Variants in ZNF407 observed in about 807,000 individuals in gnomAD.
ZNF407 encodes the protein zinc finger protein 407.
ZNF407 carries 17 observed loss-of-function variants against 131.2 expected under a neutral mutation model. The observed-to-expected ratio is 0.13, with a 90% CI of 0.09 to 0.19. The LOEUF (loss-of-function observed/expected upper bound fraction) is 0.19. Ranked by LOEUF, ZNF407 falls within the 10% of genes least tolerant of loss-of-function variation. The pLI is 1.00. For synonymous variants in ZNF407, 1,156 were observed against 1,062.0 expected, an observed-to-expected ratio of 1.09 and a Z score of -1.72; for missense variants, 2,681 against 2,830.6, an observed-to-expected ratio of 0.95 and a Z score of 1.20.
intron 6 of ZNF407, among the ~76,000 whole-genome samples, chr18:74,889,005 CTG>C (rs766478564): frequency 1.3e-5 from 2 of 152,224 alleles, no homozygotes; most frequent in Admixed American, 6.5e-5. Flanking sequence ...GGTTATAACA[CTG>C]TGTTTTTACT....
At chr18:74,967,501 C>G (rs1370045350) in intron 8 of ZNF407, among the ~76,000 whole-genome samples, 1 of 152,106 alleles carries the variant, frequency 6.6e-6, no homozygotes, top group African/African-American at 2.4e-5. Flanking sequence ...AAACGTGGGT[C>G]TTTTTTCTTT....
At chr18:74,786,645 A>G (rs1045400308) in intron 4 of ZNF407, among the ~76,000 whole-genome samples, 3 of 151,796 alleles carry the variant, frequency 2.0e-5, no homozygotes, top group Non-Finnish European at 2.9e-5. Context: ...GAAGGGGGTT[A>G]TATTTCGATG....
intron 8 of ZNF407, among the ~76,000 whole-genome samples, chr18:74,930,969 G>A (rs905364619): frequency 6.6e-6 from 1 of 152,128 alleles, no homozygotes; most frequent in Non-Finnish European, 1.5e-5. Context: ...CTAGGCCTTC[G>A]CAGCAGATAA....
At chr18:74,857,236 A>G (rs1344267504) in intron 4 of ZNF407, among the ~76,000 whole-genome samples, 2 of 152,234 alleles carry the variant, frequency 1.3e-5, no homozygotes, top group African/African-American at 2.4e-5. Context: ...GACGTGTTTC[A>G]GATGGCTAAC....
At chr18:74,944,782 G>T (rs998405118) in intron 8 of ZNF407, among the ~76,000 whole-genome samples, 99 of 152,198 alleles carry the variant, frequency 6.5e-4, no homozygotes, top group African/African-American at 2.2e-3. Flanking sequence ...TAGCAGAGAA[G>T]GGGGGAAGCC....
At chr18:74,840,820 T>A (rs143191402) in intron 4 of ZNF407, among the ~76,000 whole-genome samples, 1 of 152,360 alleles carries the variant, frequency 6.6e-6, no homozygotes, top group East Asian at 1.9e-4. Flanking sequence ...TTTTATAGCT[T>A]CTCATCACTA....
At chr18:74,641,698 C>G (rs1194098969) in intron 3 of ZNF407, among the ~76,000 whole-genome samples, 1 of 152,116 alleles carries the variant, frequency 6.6e-6, no homozygotes, top group Non-Finnish European at 1.5e-5. Context: ...GAATCATGTA[C>G]AGTGTTTAAC....
chr18:74,643,895 C>G (rs1449727639), intron 3 of ZNF407, among the ~76,000 whole-genome samples: 1 of 151,912 alleles, frequency 6.6e-6, no homozygotes, highest in African/African-American at 2.4e-5. Context: ...TTTTAAGATA[C>G]CATTACCCCC....
At chr18:74,671,089 C>T (rs1381388307) in intron 3 of ZNF407, among the ~76,000 whole-genome samples, 1 of 152,176 alleles carries the variant, frequency 6.6e-6, no homozygotes, top group Non-Finnish European at 1.5e-5. Flanking sequence ...ACCCGATAAG[C>T]CCTGAGTGCC....
chr18:74,916,386 T>C (rs1281138911), intron 7 of ZNF407, among the ~76,000 whole-genome samples: 1 of 122,208 alleles, frequency 8.2e-6, no homozygotes, highest in Non-Finnish European at 1.6e-5. Flanking sequence ...ATGGTGAGGT[T>C]GTGTGCAGTA....
chr18:74,776,060 A>G (rs370078787), intron 3 of ZNF407, among the ~76,000 whole-genome samples: 3 of 152,306 alleles, frequency 2.0e-5, no homozygotes, highest in South Asian at 4.1e-4. Flanking sequence ...GAATCAAACC[A>G]TATCAATACC....
chr18:74,934,612 C>T (rs1015774143), intron 8 of ZNF407, among the ~76,000 whole-genome samples: 6 of 152,214 alleles, frequency 3.9e-5, no homozygotes, highest in Non-Finnish European at 5.9e-5. Flanking sequence ...AGTTCAAGAT[C>T]ATGGCCAACA....
chr18:74,915,042 A>G (rs1288834858), intron 7 of ZNF407, among the ~76,000 whole-genome samples: 3 of 152,160 alleles, frequency 2.0e-5, no homozygotes, highest in South Asian at 2.1e-4. Flanking sequence ...CTTCTCATAA[A>G]TTTTCTTAAA....
chr18:74,710,989 C>T (rs1437076832), intron 3 of ZNF407, among the ~76,000 whole-genome samples: 1 of 99,194 alleles, frequency 1.0e-5, no homozygotes, highest in African/African-American at 3.2e-5. Context: ...TGTCCATTCT[C>T]CATGGATGCT....
intron 8 of ZNF407, among the ~76,000 whole-genome samples, chr18:74,929,541 A>G (rs778438322): frequency 3.3e-5 from 5 of 152,184 alleles, no homozygotes; most frequent in Non-Finnish European, 5.9e-5. Flanking sequence ...TTACTTTTAT[A>G]TAGACTTTTT....
At chr18:74,904,680 G>A (rs7231138) in intron 7 of ZNF407, among the ~76,000 whole-genome samples, 2 of 152,064 alleles carry the variant, frequency 1.3e-5, no homozygotes, top group South Asian at 2.1e-4. Context: ...AGTCGGTGCC[G>A]CTTCTTATTG....
intron 8 of ZNF407, among the ~76,000 whole-genome samples, chr18:75,019,756 G>T (rs1973085485): frequency 6.6e-6 from 1 of 152,110 alleles, no homozygotes; most frequent in Non-Finnish European, 1.5e-5. Context: ...AGGCATGGCT[G>T]GGGAGGCCTC....
chr18:74,685,297 C>G (rs770806528), intron 3 of ZNF407, among the ~76,000 whole-genome samples: 7 of 152,102 alleles, frequency 4.6e-5, no homozygotes, highest in Non-Finnish European at 8.8e-5. Context: ...GAAACACCCA[C>G]GTGAAGAGAT....
At chr18:74,830,998 A>G (rs987616497) in intron 4 of ZNF407, among the ~76,000 whole-genome samples, 1 of 152,060 alleles carries the variant, frequency 6.6e-6, no homozygotes, top group Non-Finnish European at 1.5e-5. Flanking sequence ...TAGCTTCCAC[A>G]TAGGAGTGAG....
Sources: gnomAD v4.1 joint callset for allele counts (sites outside exome capture counted in the v4.1 genomes callset) on GRCh38, gnomAD v4.1.1 for gene constraint, MANE v1.5 for transcripts, NCBI Gene and HGNC (gene_info 2026-07-23, HGNC 2026-07-21) for gene names.